Variants in NRF1 observed in about 807,000 individuals in gnomAD.
The protein encoded by NRF1 is nuclear respiratory factor 1, also known as alpha palindromic-binding protein.
NRF1 carries 5 observed loss-of-function variants against 58.5 expected under a neutral mutation model. That is an observed-to-expected ratio of 0.09 (90% CI 0.04 to 0.18). The LOEUF is 0.18. Among genes scored for constraint, NRF1 ranks in the 10% least tolerant of loss-of-function variants. NRF1 has a pLI of 1.00. For synonymous variants in NRF1, 224 were observed against 246.7 expected (o/e 0.91, Z 0.86); for missense variants, 288 against 657.7 (o/e 0.44, Z 6.15).
At chr7:129,685,425 C>T (rs1371597790) in intron 4 of NRF1, among the ~76,000 whole-genome samples, 1 of 152,040 alleles carries the variant, frequency 6.6e-6, no homozygotes, top group Non-Finnish European at 1.5e-5. Context: ...ACTCTAATGG[C>T]TCCTGCAAAT....
At chr7:129,640,671 A>G (rs1328458321) in intron 1 of NRF1, among the ~76,000 whole-genome samples, 2 of 152,178 alleles carry the variant, frequency 1.3e-5, no homozygotes, top group African/African-American at 4.8e-5. Flanking sequence ...GTGCTCGGGT[A>G]CAAAGGGTGG....
intron 10 of NRF1, chr7:129,744,166 T>C (rs1584690919): frequency 6.5e-7 from 1 of 1,542,968 alleles, no homozygotes; most frequent in Non-Finnish European, 8.8e-7. Context: ...TTCTGTGTTA[T>C]TGTCAGGCCT....
intron 1 of NRF1, among the ~76,000 whole-genome samples, chr7:129,631,365 G>A (rs187861897): frequency 1.3e-5 from 2 of 152,028 alleles, no homozygotes; most frequent in Admixed American, 1.3e-4. Context: ...GATCACAAGC[G>A]TGCGCCACCA....
At chr7:129,722,857 G>A (rs1474399387) in intron 9 of NRF1, among the ~76,000 whole-genome samples, 5 of 152,130 alleles carry the variant, frequency 3.3e-5, no homozygotes, top group African/African-American at 4.8e-5. Context: ...ATCTTTGATG[G>A]TCATAAAGAT....
chr7:129,686,590 T>G lies in NRF1; in HGVS notation c.466-3816T>G, dbSNP rs544764217. ...TTGCAAAATGAACATAATATTTTCCTTATAGAATTATGGTAAGGATTATTT... is the reference window on the plus strand; with the variant it reads ...TTGCAAAATGAACATAATATTTTCCGTATAGAATTATGGTAAGGATTATTT... On this transcript the variant is annotated intron_variant, in intron 4 of 10. Transcript: ENST00000393232. Among the ~76,000 whole-genome samples the G allele has an allele frequency of 3.9e-5, 6 of 152,372 alleles. No individual in the cohort carries two copies. The South Asian group carries it at 1.2e-3, about 32-fold the overall frequency.
chr7:129,728,634 T>C (rs991036705), intron 10 of NRF1, among the ~76,000 whole-genome samples: 2 of 152,172 alleles, frequency 1.3e-5, no homozygotes, highest in African/African-American at 4.8e-5. Flanking sequence ...CTCTGTTAGT[T>C]GGAAAAGTCT....
intron 3 of NRF1, among the ~76,000 whole-genome samples, chr7:129,675,735 T>G (rs1802162024): frequency 6.6e-6 from 1 of 152,212 alleles, no homozygotes; most frequent in Non-Finnish European, 1.5e-5. Context: ...TGTAAACAGA[T>G]GTACTGCCAT....
chr7:129,755,284 A>C lies in NRF1; in HGVS notation c.*103A>C. The C allele has an allele frequency of 9.2e-7, 1 of 1,091,136 alleles. No individual in the cohort carries two copies. 67.6% of individuals were successfully genotyped at this position (1,091,136 alleles called of 1,614,324 possible). Reference sequence around the variant, plus strand: ...AATTAAGTCTCTCGACTTTGGAAGGAAAGTTTTGTTAACCTTTTTTTTTTT... The same window carrying C: ...AATTAAGTCTCTCGACTTTGGAAGGCAAGTTTTGTTAACCTTTTTTTTTTT... On this transcript the variant is annotated 3_prime_UTR_variant, in exon 11 of 11. Coordinates refer to ENST00000393232, the MANE Select transcript of NRF1 (RefSeq NM_005011.5). The surrounding 1 kb of genome is among the most constrained non-coding windows in gnomAD (Gnocchi z 5.8).
chr7:129,659,493 G>A (rs1270394329), intron 2 of NRF1, among the ~76,000 whole-genome samples: 1 of 152,106 alleles, frequency 6.6e-6, no homozygotes, highest in Non-Finnish European at 1.5e-5. Context: ...CTTTAACATG[G>A]ATCTGCTAGT....
intron 10 of NRF1, among the ~76,000 whole-genome samples, chr7:129,751,100 C>T (rs1403635044): frequency 3.3e-5 from 5 of 152,134 alleles, no homozygotes; most frequent in South Asian, 2.1e-4. Flanking sequence ...GGAGGAGCAT[C>T]GGAGAAGAGG....
intron 9 of NRF1, among the ~76,000 whole-genome samples, chr7:129,717,978 CCTTG>C (rs1347807946): frequency 2.6e-5 from 4 of 152,212 alleles, no homozygotes; most frequent in African/African-American, 9.6e-5. Context: ...AATGTGTTGC[CCTTG>C]CTTATCAGCG....
rs142296590 is a variant in NRF1 at position 129,723,171 on chromosome 7, C to T, written c.1224-4070C>T. 3.8e-4 allele frequency among the ~76,000 whole-genome samples: 58 copies of T among 151,842 alleles called. No homozygotes were observed. The East Asian group carries it at 6.6e-3, about 17-fold the overall frequency. ...ATTAATAAAATTTCCAGGCCGGGTG[C>T]GGTGGCTCATGCCTGTAATCCCAGC... On this transcript the variant is annotated intron_variant, in intron 9 of 10. Coordinates refer to ENST00000393232, the MANE Select transcript of NRF1 (RefSeq NM_005011.5).
At chr7:129,725,685 A>T (rs912541430) in intron 9 of NRF1, among the ~76,000 whole-genome samples, 10 of 152,190 alleles carry the variant, frequency 6.6e-5, no homozygotes, top group African/African-American at 2.4e-4. Flanking sequence ...TGATATTTAA[A>T]ATTTTCTTTT....
chr7:129,672,200 C>CTTTT (rs58022845), intron 3 of NRF1, among the ~76,000 whole-genome samples: 22 of 116,874 alleles, frequency 1.9e-4, no homozygotes, highest in East Asian at 5.5e-4. Context: ...GCCAGGAGAT[C>CTTTT]TTTTTTTTTT....
Position 129,706,385 on chromosome 7 carries a change from A to C in NRF1, c.607-2690A>C, listed in dbSNP as rs1378349626. Among the ~76,000 whole-genome samples, 3 of 152,222 alleles carry C rather than the reference A, an allele frequency of 2.0e-5. No individual in the cohort carries two copies. The East Asian group carries it at 5.8e-4, about 29-fold the overall frequency. The stretch of plus-strand genomic sequence containing the variant: ...CCAAGAAAGCCAACTAGAAGGATAC[A>C]CTAGCCTTGGGCCAAAAAATTAGAA... On this transcript the variant is annotated intron_variant, in intron 5 of 10. Transcript: ENST00000393232.
intron 4 of NRF1, among the ~76,000 whole-genome samples, chr7:129,682,589 G>A (rs1053488091): frequency 6.8e-6 from 1 of 146,454 alleles, no homozygotes; most frequent in Non-Finnish European, 1.5e-5. Context: ...AAGGTTGACA[G>A]TCTAGGCAAC....
chr7:129,730,626 G>A (rs980734479), intron 10 of NRF1, among the ~76,000 whole-genome samples: 4 of 152,072 alleles, frequency 2.6e-5, no homozygotes, highest in African/African-American at 4.8e-5. Flanking sequence ...GAAGTGGCGC[G>A]GGCGGGTGAG....
At chr7:129,686,096 T>C (rs540036382) in intron 4 of NRF1, among the ~76,000 whole-genome samples, 1 of 127,454 alleles carries the variant, frequency 7.8e-6, no homozygotes, top group Admixed American at 8.4e-5. Context: ...AGTAGGACTG[T>C]ATCTCAAAAA....
At chr7:129,722,753 C>G (rs1000535329) in intron 9 of NRF1, among the ~76,000 whole-genome samples, 5 of 152,182 alleles carry the variant, frequency 3.3e-5, no homozygotes, top group African/African-American at 1.2e-4. Context: ...GTACACTTTC[C>G]TGTCAAGGCT....
Sources: gnomAD v4.1 joint callset for allele counts (sites outside exome capture counted in the v4.1 genomes callset) on GRCh38, gnomAD v4.1.1 for gene constraint, Gnocchi (gnomAD v3.1) non-coding constraint, MANE v1.5 for transcripts, NCBI Gene and HGNC (gene_info 2026-07-23, HGNC 2026-07-21) for gene names.